Variants in C2orf76 observed in about 807,000 individuals in gnomAD.
The protein encoded by C2orf76 is chromosome 2 open reading frame 76, also known as UPF0538 protein C2orf76.
A neutral mutation model predicts 16.9 loss-of-function variants in C2orf76; 23 were observed. That is an observed-to-expected ratio of 1.36 (90% CI 0.98 to 1.93). The LOEUF is 1.93. Ranked by LOEUF, C2orf76 falls within the 30% of genes most tolerant of loss-of-function variation. The pLI, the probability that C2orf76 is intolerant of heterozygous loss-of-function variation, is 0.00. For synonymous variants in C2orf76, 48 were observed against 52.3 expected (o/e 0.92, Z 0.35); for missense variants, 152 against 152.6 (o/e 1.00, Z 0.02).
At chr2:119,282,333 G>A in the C2orf76 span, among the ~76,000 whole-genome samples, 1 of 152,290 alleles carries the variant, frequency 6.6e-6, no homozygotes, top group Middle Eastern at 3.4e-3. Context: ...ACTTTGAACT[G>A]CTGTTCATGG....
At chr2:119,288,958 C>T in the C2orf76 span, among the ~76,000 whole-genome samples, 1 of 152,024 alleles carries the variant, frequency 6.6e-6, no homozygotes, top group South Asian at 2.1e-4. Flanking sequence ...CCCTGACTCT[C>T]GAAGGCTTTC....
At chr2:119,313,689 C>T (rs970125779) in intron 4 of C2orf76, among the ~76,000 whole-genome samples, 7 of 152,116 alleles carry the variant, frequency 4.6e-5, no homozygotes, top group African/African-American at 1.7e-4. Context: ...AGTCTCCTTC[C>T]AATCCCCATC....
chr2:119,281,258 C>G, the C2orf76 span, among the ~76,000 whole-genome samples: 1 of 152,156 alleles, frequency 6.6e-6, no homozygotes, highest in Admixed American at 6.5e-5. Context: ...ATCTTTTCTG[C>G]TCCTCTCCCT....
intron 1 of C2orf76, among the ~76,000 whole-genome samples, chr2:119,345,994 G>A (rs1354107926): frequency 6.9e-6 from 1 of 145,808 alleles, no homozygotes; most frequent in African/African-American, 2.5e-5. Context: ...GGCAGAGCTT[G>A]CAGTGAGCAG....
downstream of C2orf76, among the ~76,000 whole-genome samples, chr2:119,299,037 TC>T (rs1184099946): frequency 6.6e-6 from 1 of 151,888 alleles, no homozygotes; most frequent in Non-Finnish European, 1.5e-5. Flanking sequence ...CACCTCCGCC[TC>T]CCAAGTAACT....
chr2:119,346,487 C>T (rs1318578135), intron 1 of C2orf76, among the ~76,000 whole-genome samples: 1 of 152,140 alleles, frequency 6.6e-6, no homozygotes, highest in Non-Finnish European at 1.5e-5. Flanking sequence ...ATACAGGCAA[C>T]AATCAGGGTG....
At chr2:119,301,076 A>AACACACACAC (rs57577702), downstream of C2orf76, among the ~76,000 whole-genome samples, 8,485 of 146,144 alleles carry the variant, frequency 0.058, 772 homozygotes, top group African/African-American at 0.2. Flanking sequence ...ACTTCTTAAA[A>AACACACACAC]ACACACACAC....
intron 5 of C2orf76, among the ~76,000 whole-genome samples, chr2:119,305,202 G>C (rs1474767563): frequency 6.6e-6 from 1 of 152,064 alleles, no homozygotes; most frequent in Non-Finnish European, 1.5e-5. Context: ...TTTTAATACT[G>C]ATGTTCAAGT....
the C2orf76 span, among the ~76,000 whole-genome samples, chr2:119,292,205 T>C: frequency 6.6e-6 from 1 of 152,116 alleles, no homozygotes; most frequent in Non-Finnish European, 1.5e-5. Context: ...TTAAGGCAAG[T>C]GGGGAAAAAA....
At chr2:119,283,635 C>G in the C2orf76 span, among the ~76,000 whole-genome samples, 1 of 151,984 alleles carries the variant, frequency 6.6e-6, no homozygotes, top group East Asian at 1.9e-4. Flanking sequence ...CCACCACGCC[C>G]AGCTAATTTT....
chr2:119,299,588 A>C (rs1214250779), downstream of C2orf76, among the ~76,000 whole-genome samples: 11 of 152,186 alleles, frequency 7.2e-5, no homozygotes, highest in Non-Finnish European at 1.5e-5. Context: ...CTCCCTCTGC[A>C]GGCTCTAGGG....
At chr2:119,322,090 C>T (rs1233917069) in intron 2 of C2orf76, among the ~76,000 whole-genome samples, 1 of 152,036 alleles carries the variant, frequency 6.6e-6, no homozygotes, top group Non-Finnish European at 1.5e-5. Flanking sequence ...GCTGGTACAA[C>T]ACCTAACAGA....
chr2:119,298,390 T>C (rs1244821926), downstream of C2orf76, among the ~76,000 whole-genome samples: 1 of 152,194 alleles, frequency 6.6e-6, no homozygotes, highest in East Asian at 1.9e-4. Flanking sequence ...TTATTAGCTA[T>C]TGTTTCCATG....
At chr2:119,300,667 G>C (rs1231676481), downstream of C2orf76, among the ~76,000 whole-genome samples, 5 of 152,140 alleles carry the variant, frequency 3.3e-5, no homozygotes, top group Admixed American at 6.5e-5. Flanking sequence ...ATCAAACATT[G>C]CATTAGCTTA....
chr2:119,290,908 C>T, the C2orf76 span, among the ~76,000 whole-genome samples: 3 of 152,072 alleles, frequency 2.0e-5, no homozygotes, highest in African/African-American at 7.2e-5. Flanking sequence ...TACAACATGC[C>T]ACCCCATCTA....
chr2:119,360,083 C>A (rs976146197), intron 1 of C2orf76, among the ~76,000 whole-genome samples: 1 of 152,182 alleles, frequency 6.6e-6, no homozygotes. Flanking sequence ...CAGTTAGCAG[C>A]CATCAACATT....
chr2:119,317,328 A>T (rs1679200740), intron 4 of C2orf76, 138 bp downstream of exon 4: 1 of 521,458 alleles, frequency 1.9e-6, no homozygotes, highest in Non-Finnish European at 3.1e-6. Flanking sequence ...CTAAGGCAGT[A>T]AAAAGGGTAC....
chr2:119,358,553 G>C (rs1680644904), intron 1 of C2orf76, among the ~76,000 whole-genome samples: 1 of 148,644 alleles, frequency 6.7e-6, no homozygotes, highest in African/African-American at 2.5e-5. Context: ...ACTCCAGCCT[G>C]GGTGACAGAG....
intron 1 of C2orf76, among the ~76,000 whole-genome samples, chr2:119,365,805 G>T (rs751137534): frequency 6.6e-6 from 1 of 152,146 alleles, no homozygotes; most frequent in Admixed American, 6.5e-5. Flanking sequence ...ATTAGGCTGT[G>T]TAACAATCTC....
Sources: allele counts gnomAD v4.1 joint callset (sites outside exome capture counted in the v4.1 genomes callset), GRCh38; gene constraint gnomAD v4.1.1; transcripts MANE v1.5; gene names NCBI Gene and HGNC (gene_info 2026-07-23, HGNC 2026-07-21).